RPL7: variants seen among roughly 807,000 people sequenced by gnomAD.
The protein encoded by RPL7 is ribosomal protein L7.
For missense variants in RPL7, 205 were observed against 301.9 expected, an observed-to-expected ratio of 0.68 and a Z score of 2.38; for synonymous variants, 100 against 102.2, an observed-to-expected ratio of 0.98 and a Z score of 0.13.
chr8:73,291,419 C>A, intron 5 of RPL7, 133 bp downstream of exon 5: 1 of 860,900 alleles, frequency 1.2e-6, no homozygotes, highest in Non-Finnish European at 1.8e-6. Flanking sequence ...CCATGTCTTA[C>A]GTTTTCTTTT....
intron 2 of RPL7, 64 bp from the exon 3 acceptor site, chr8:73,292,469 TAA>T: frequency 7.0e-7 from 1 of 1,432,264 alleles, no homozygotes; most frequent in Non-Finnish European, 9.5e-7. Context: ...TGCCAATCAT[TAA>T]AAAGAAAACT....
chr8:73,292,116 C>G (rs1814111792), intron 3 of RPL7, 123 bp downstream of exon 3: 1 of 1,132,246 alleles, frequency 8.8e-7, no homozygotes, highest in South Asian at 1.5e-5. Context: ...CAGCACCCTC[C>G]TTGTTCTAGC....
At position 73,291,768 on chromosome 8, in the gene RPL7, C is replaced by A; in HGVS notation, c.428+5G>T. The A allele has an allele frequency of 6.2e-7, 1 of 1,601,060 alleles. No individual in the cohort carries two copies. Among genetic ancestry groups the A allele is most frequent in the Non-Finnish European group, 8.6e-7 (1 of 1,169,126 alleles). On this transcript the variant is annotated splice_donor_5th_base_variant and intron_variant, in intron 4 of 6. Coordinates refer to ENST00000352983, the MANE Select transcript of RPL7 (RefSeq NM_000971.4). ...AATAGAAATCAAAGGAGAAAAGAGA[C>A]TTACCCCCATGCAATATATGGCTCT...
chr8:73,292,659 A>AT, intron 2 of RPL7, 30 bp downstream of exon 2: 1 of 1,527,462 alleles, frequency 6.5e-7, no homozygotes, highest in Non-Finnish European at 9.0e-7. Context: ...GCGCCTCCTT[A>AT]TGTGCTAGTG....
At chr8:73,291,964 A>T in intron 3 of RPL7, 54 bp from the exon 4 acceptor site, 1 of 1,593,428 alleles carries the variant, frequency 6.3e-7, no homozygotes, top group Non-Finnish European at 8.6e-7. Context: ...ATTTTTATTA[A>T]TACTAACCAT....
chr8:73,291,881 T>C lies in RPL7; in HGVS notation c.320A>G (p.Lys107Arg), dbSNP rs986950223. The C allele has an allele frequency of 6.2e-7, 1 of 1,612,978 alleles. No homozygotes were observed. Among genetic ancestry groups the C allele is most frequent in the Non-Finnish European group, 8.5e-7 (1 of 1,178,960 alleles). Reference protein sequence around the residue: ...GINGVSPKVRKVLQLLRLRQI... With the variant: ...GINGVSPKVRRVLQLLRLRQI... ...ACGAAGGCGAAGAAGCTGCAACACC[T>C]TTCGAACCTTTGGGCTCACTCCATT... is the stretch of plus-strand genomic sequence containing the variant. Residue 107 changes from lysine (K) to arginine (R), a missense_variant, in exon 4 of 7, where the codon AAG (lysine) becomes AGG (arginine). Physicochemically the swap from Lys to Arg is conservative, Grantham distance 26. Coordinates refer to ENST00000352983, the MANE Select transcript of RPL7 (RefSeq NM_000971.4).
In RPL7 at chr8:73,293,623, G is replaced by GA; in HGVS notation, c.-12_-11insT. On this transcript the variant is annotated 5_prime_UTR_variant, in exon 1 of 7. Transcript: ENST00000352983. Reference sequence around the variant, plus strand: ...CTCTACACCCTCCATGGTTCCAGCCGGAAAAAGAGGAAGTTGGCGCATGCG... The same window carrying GA: ...CTCTACACCCTCCATGGTTCCAGCCGAGAAAAAGAGGAAGTTGGCGCATGCG... 6.2e-7 allele frequency: 1 copy of GA among 1,613,492 alleles called. No homozygotes were observed. Among genetic ancestry groups the GA allele is most frequent in the Non-Finnish European group, 8.5e-7 (1 of 1,179,748 alleles).
chr8:73,293,551 G>A (rs780436772), intron 1 of RPL7, 48 bp downstream of exon 1: 2 of 1,609,756 alleles, frequency 1.2e-6, no homozygotes, highest in Admixed American at 1.7e-5. Context: ...AAAAGTATCT[G>A]GCTCTGGAGA....
intron 3 of RPL7, 33 bp downstream of exon 3, chr8:73,292,206 A>G: frequency 6.7e-7 from 1 of 1,485,256 alleles, no homozygotes; most frequent in South Asian, 1.2e-5. Flanking sequence ...TTTTTTTCCC[A>G]TTCAAACCCG....
upstream of RPL7, chr8:73,293,810 A>C (rs1325879623): frequency 3.2e-6 from 2 of 617,272 alleles, no homozygotes; most frequent in Non-Finnish European, 5.7e-6. Flanking sequence ...GTTTGAAGAA[A>C]ATATATGCAT....
chr8:73,293,014 A>C, intron 1 of RPL7: 2 of 415,966 alleles, frequency 4.8e-6, no homozygotes, highest in Non-Finnish European at 8.5e-6. Flanking sequence ...CACAAATATG[A>C]CAATAGCAAT....
chr8:73,292,905 G>C (rs1474554259), intron 1 of RPL7, 108 bp from the exon 2 acceptor site: 40 of 752,360 alleles, frequency 5.3e-5, no homozygotes, highest in Non-Finnish European at 4.4e-6. Flanking sequence ...ACTGACTTTA[G>C]TCACTAGTAA....
intron 6 of RPL7, 117 bp downstream of exon 6, chr8:73,290,926 A>G: frequency 1.3e-6 from 1 of 779,788 alleles, no homozygotes; most frequent in South Asian, 1.8e-5. Flanking sequence ...CCCACTCCCC[A>G]CAAAAGCACT....
At chr8:73,293,370 C>T in intron 1 of RPL7, 2 of 536,020 alleles carry the variant, frequency 3.7e-6, no homozygotes, top group East Asian at 6.7e-5. Context: ...ACGGGTTCCA[C>T]ACACATTCCA....
intron 1 of RPL7, 156 bp downstream of exon 1, chr8:73,293,443 C>T: frequency 2.2e-6 from 2 of 902,736 alleles, no homozygotes; most frequent in Admixed American, 2.3e-5. Context: ...CATCCCAACC[C>T]TAGCCTCAGG....
In RPL7 at chr8:73,292,337, C is replaced by A. The variant is rs370437154; in HGVS notation, c.192G>T (p.Met64Ile). ...TCGCCATTCGAATTTCAGTTCTGTA[C>A]ATCTGCCTATATTCCTTGTGATAGT... ...AKHYHKEYRQ[M>I]YRTEIRMARM... is the part of the protein sequence containing the mutation. The change falls in exon 3 of 7, where the codon ATG becomes ATT. Residue 64 changes from methionine to isoleucine, a missense_variant. Transcript: ENST00000352983. The A allele has an allele frequency of 8.5e-5, 137 of 1,606,388 alleles. No homozygotes were observed. Among genetic ancestry groups the A allele is most frequent in the Non-Finnish European group, 1.1e-4 (130 of 1,178,818 alleles).
chr8:73,292,772 C>G lies in RPL7; in HGVS notation c.40G>C (p.Val14Leu), dbSNP rs746127555. Reference protein sequence around the residue: ...VEEKKKEVPAVPETLKKKRRN... With the variant: ...VEEKKKEVPALPETLKKKRRN... ...CGCTTTTTCTTAAGGGTTTCTGGCA[C>G]AGCAGGAACCTCCTTCTTCTTCTCT... The change falls in exon 2 of 7, where the codon GTG becomes CTG. Residue 14 changes from valine (V) to leucine (L), a missense_variant. By Grantham distance (32) the Val-to-Leu change is conservative. Coordinates refer to ENST00000352983, the MANE Select transcript of RPL7 (RefSeq NM_000971.4). The G allele has an allele frequency of 1.2e-6, 2 of 1,612,160 alleles. No individual in the cohort carries two copies. Among genetic ancestry groups the G allele is most frequent in the Middle Eastern group, 1.7e-4 (1 of 6,048 alleles).
chr8:73,290,999 T>C, intron 6 of RPL7, 44 bp downstream of exon 6: 2 of 1,426,164 alleles, frequency 1.4e-6, no homozygotes, highest in Non-Finnish European at 2.0e-6. Context: ...CCACCACTTA[T>C]ACTCTAACAT....
rs1814149303 is a variant in RPL7, at chr8:73,293,192, AAAAAACAAGCC to A, written c.14+396_15-396del. The A allele has an allele frequency of 1.8e-5, 4 of 224,804 alleles. No individual in the cohort carries two copies. The South Asian group carries it at 5.1e-4, about 29-fold the overall frequency. The allele number at this position is 224,804 out of a possible 1,614,324, so 13.9% of individuals were successfully genotyped here. A position where few individuals can be genotyped will look rare whatever the true frequency, so the allele number is the denominator to read the frequency against. Reference sequence around the variant, plus strand: ...CAAAAATTAAAAAATAAAAATAAAAAAAAAACAAGCCACCACCACTCTGGTTCAATCAGGAT... The same window carrying A: ...CAAAAATTAAAAAATAAAAATAAAAAACCACCACTCTGGTTCAATCAGGAT... On this transcript the variant is annotated intron_variant, in intron 1 of 6. Coordinates refer to ENST00000352983, the MANE Select transcript of RPL7 (RefSeq NM_000971.4).
Sources: allele counts gnomAD v4.1 joint callset, GRCh38; gene constraint gnomAD v4.1.1; transcripts MANE v1.5; gene names NCBI Gene and HGNC (gene_info 2026-07-23, HGNC 2026-07-21).